GOLPH3: variants seen among roughly 807,000 people sequenced by gnomAD.
GOLPH3 encodes the protein coat protein GPP34.
GOLPH3 carries 14 observed loss-of-function variants against 28.5 expected under a neutral mutation model. That is an observed-to-expected ratio of 0.49 (90% CI 0.32 to 0.77). GOLPH3 has a LOEUF of 0.77. GOLPH3 is among the 30% of genes least tolerant of loss of function. The pLI is 0.03. For missense variants in GOLPH3, 350 were observed against 393.7 expected, an observed-to-expected ratio of 0.89 and a Z score of 0.94; for synonymous variants, 158 against 159.2, an observed-to-expected ratio of 0.99 and a Z score of 0.06.
intron 3 of GOLPH3, among the ~76,000 whole-genome samples, chr5:32,133,549 A>G (rs1296769003): frequency 6.6e-6 from 1 of 152,228 alleles, no homozygotes; most frequent in South Asian, 2.1e-4. Context: ...ACAATGTACA[A>G]AATGATCCAT....
intron 1 of GOLPH3, among the ~76,000 whole-genome samples, chr5:32,156,374 G>A (rs1746426859): frequency 6.6e-6 from 1 of 151,526 alleles, no homozygotes; most frequent in Non-Finnish European, 1.5e-5. Context: ...ATGGTAGTGT[G>A]CACCTGTAAT....
At position 32,134,524 on chromosome 5, in the gene GOLPH3, A is replaced by T. The variant is rs1745892381; in HGVS notation, c.472+1048T>A. The stretch of plus-strand genomic sequence containing the variant: ...ATGCCTGGCCAAAAAATAAAATAAA[A>T]AAAAAAAAAAAAAACTCAGCGAGGC... On this transcript the variant is annotated intron_variant, in intron 3 of 3. Transcript: ENST00000265070. Among the ~76,000 whole-genome samples, 8 of 151,714 alleles carry T rather than the reference A, an allele frequency of 5.3e-5. No homozygotes were observed. In the South Asian group the frequency reaches 1.7e-3, roughly 32 times the overall value.
rs182048523 is a variant in GOLPH3 at position 32,166,574 on chromosome 5, G to A, written c.225+7236C>T. ...CTCATGCCCAGACCTTTGGGAAGGC[G>A]AGGTGGGCGGATCACTTGAGGTCAA... On this transcript the variant is annotated intron_variant, in intron 1 of 3. Coordinates refer to ENST00000265070, the MANE Select transcript of GOLPH3 (RefSeq NM_022130.4). 2.1e-3 allele frequency among the ~76,000 whole-genome samples: 316 copies of A among 152,288 alleles called. 1 individual carries two copies. The highest frequency in any genetic ancestry group is 6.8e-3 in the African/African-American group (283 of 41,568).
chr5:32,141,797 A>T (rs990685243), intron 2 of GOLPH3, among the ~76,000 whole-genome samples: 2 of 151,864 alleles, frequency 1.3e-5, no homozygotes, highest in Non-Finnish European at 2.9e-5. Flanking sequence ...GGAGACGGGG[A>T]TTCGCTGTGT....
At chr5:32,145,676 A>G (rs1057425021) in intron 1 of GOLPH3, among the ~76,000 whole-genome samples, 1 of 152,224 alleles carries the variant, frequency 6.6e-6, no homozygotes, top group Non-Finnish European at 1.5e-5. Flanking sequence ...GAACTAAAAT[A>G]TGTCTCAATC....
At chr5:32,169,328 A>G (rs1479568741) in intron 1 of GOLPH3, among the ~76,000 whole-genome samples, 1 of 152,170 alleles carries the variant, frequency 6.6e-6, no homozygotes, top group Non-Finnish European at 1.5e-5. Flanking sequence ...AATACAAAAT[A>G]AAGCGAAGAC....
At chr5:32,172,403 T>A (rs1746856141) in intron 1 of GOLPH3, among the ~76,000 whole-genome samples, 1 of 151,846 alleles carries the variant, frequency 6.6e-6, no homozygotes, top group Non-Finnish European at 1.5e-5. Flanking sequence ...TGGAAAACTT[T>A]CTTAAAATCA....
At position 32,156,132 on chromosome 5, in the gene GOLPH3, G is replaced by A. The variant is rs144445436; in HGVS notation, c.226-12252C>T. On this transcript the variant is annotated intron_variant, in intron 1 of 3. Transcript: ENST00000265070. The stretch of plus-strand genomic sequence containing the variant: ...CTGCCATGTGAGGATGCAATGAGAA[G>A]ACAACCAGGAAGCAGGCCCTCACCA... Among the ~76,000 whole-genome samples, 451 of 152,154 alleles carry A rather than the reference G, an allele frequency of 3.0e-3. 2 individuals are homozygous for A. Among genetic ancestry groups the A allele is most frequent in the African/African-American group, 0.011 (441 of 41,506 alleles).
chr5:32,171,379 C>A (rs143985446), intron 1 of GOLPH3, among the ~76,000 whole-genome samples: 1 of 151,916 alleles, frequency 6.6e-6, no homozygotes, highest in East Asian at 1.9e-4. Flanking sequence ...ACATTTGGCC[C>A]GCGGGTTGGA....
chr5:32,145,427 C>T (rs74849218), intron 1 of GOLPH3, among the ~76,000 whole-genome samples: 4,759 of 152,190 alleles, frequency 0.031, 144 homozygotes, highest in East Asian at 0.16. Context: ...AGGTAAAATG[C>T]GTGGCTTCTG....
chr5:32,169,657 C>A (rs1363531974), intron 1 of GOLPH3, among the ~76,000 whole-genome samples: 2 of 152,134 alleles, frequency 1.3e-5, no homozygotes, highest in Non-Finnish European at 2.9e-5. Context: ...TGAAAATATT[C>A]TATGGAAAGC....
intron 1 of GOLPH3, among the ~76,000 whole-genome samples, chr5:32,151,799 T>G (rs1256161282): frequency 5.3e-5 from 8 of 152,286 alleles, no homozygotes; most frequent in Non-Finnish European, 7.4e-5. Context: ...TATGTAAAAT[T>G]CTGATACATA....
At chr5:32,149,618 A>C (rs1466191703) in intron 1 of GOLPH3, among the ~76,000 whole-genome samples, 2 of 152,244 alleles carry the variant, frequency 1.3e-5, no homozygotes, top group Non-Finnish European at 2.9e-5. Context: ...AAAAATAACT[A>C]ATCAAGAGAA....
chr5:32,139,852 G>GA (rs1358913045), intron 2 of GOLPH3, among the ~76,000 whole-genome samples: 1 of 152,104 alleles, frequency 6.6e-6, no homozygotes, highest in Non-Finnish European at 1.5e-5. Flanking sequence ...GATACCCTCA[G>GA]AAATCTAAAA....
chr5:32,168,636 C>G (rs1746765392), intron 1 of GOLPH3, among the ~76,000 whole-genome samples: 1 of 152,122 alleles, frequency 6.6e-6, no homozygotes, highest in African/African-American at 2.4e-5. Flanking sequence ...CCAGAGAAAG[C>G]AGCTCAAAGA....
At chr5:32,146,786 T>TA (rs1746186302) in intron 1 of GOLPH3, among the ~76,000 whole-genome samples, 4 of 152,112 alleles carry the variant, frequency 2.6e-5, no homozygotes, top group African/African-American at 7.2e-5. Context: ...GAGAAACAGA[T>TA]AAAAAATTAT....
intron 3 of GOLPH3, 61 bp downstream of exon 3, chr5:32,135,511 G>T: frequency 1.9e-6 from 2 of 1,029,392 alleles, no homozygotes; most frequent in Non-Finnish European, 3.0e-6. Flanking sequence ...CTTTCAAAAG[G>T]ATTTAAACTT....
intron 2 of GOLPH3, among the ~76,000 whole-genome samples, chr5:32,139,330 T>A (rs1746006659): frequency 6.6e-6 from 1 of 151,370 alleles, no homozygotes; most frequent in African/African-American, 2.5e-5. Context: ...ATGCAAACAC[T>A]ACAACATTTT....
intron 2 of GOLPH3, among the ~76,000 whole-genome samples, chr5:32,143,027 AAGAT>A (rs1359162778): frequency 1.2e-4 from 18 of 152,198 alleles, no homozygotes; most frequent in Non-Finnish European, 2.5e-4. Flanking sequence ...AGGTGGGGAA[AAGAT>A]TGAGAAATCG....
Sources: allele counts gnomAD v4.1 joint callset (sites outside exome capture counted in the v4.1 genomes callset), GRCh38; gene constraint gnomAD v4.1.1; transcripts MANE v1.5; gene names NCBI Gene and HGNC (gene_info 2026-07-23, HGNC 2026-07-21).